Variants in PLCB4 observed in about 807,000 individuals in gnomAD.
PLCB4 encodes phospholipase C beta 4.
PLCB4 carries 77 observed loss-of-function variants against 178.8 expected under a neutral mutation model. The ratio of observed to expected loss-of-function variants is 0.43; its 90% CI spans 0.36 to 0.52. The LOEUF (loss-of-function observed/expected upper bound fraction) is 0.52. PLCB4 is among the 20% of genes least tolerant of loss of function. The probability of loss-of-function intolerance (pLI) is 0.00; values close to 1 mark genes in which losing one functional copy is unlikely to be tolerated. For missense variants in PLCB4, 1,024 were observed against 1,453.4 expected, an observed-to-expected ratio of 0.70 and a Z score of 4.80; for synonymous variants, 496 against 490.8, an observed-to-expected ratio of 1.01 and a Z score of -0.14.
chr20:9,078,290 T>G (rs183228585), intron 1 of PLCB4, among the ~76,000 whole-genome samples: 1 of 152,242 alleles, frequency 6.6e-6, no homozygotes, highest in East Asian at 1.9e-4. Context: ...CTGGCTATGT[T>G]TTTTTGAAAT....
At chr20:9,236,165 T>C (rs1009469092) in intron 3 of PLCB4, among the ~76,000 whole-genome samples, 3 of 152,166 alleles carry the variant, frequency 2.0e-5, no homozygotes, top group Non-Finnish European at 4.4e-5. Context: ...TCTTGATGTC[T>C]TGATGTTTGT....
At chr20:9,459,607 A>G in intron 34 of PLCB4, 28 bp from the exon 35 acceptor site, 2 of 1,567,148 alleles carry the variant, frequency 1.3e-6, no homozygotes, top group African/African-American at 1.3e-5. Context: ...GAGGATTACA[A>G]TGGCACCGTC....
chr20:9,207,760 T>G (rs1601151354), intron 2 of PLCB4, among the ~76,000 whole-genome samples: 3 of 152,374 alleles, frequency 2.0e-5, no homozygotes, highest in Admixed American at 2.0e-4. Context: ...TGCTGTGTTT[T>G]CATTGTTTCA....
chr20:9,477,400 G>C (rs879429037), intron 39 of PLCB4, among the ~76,000 whole-genome samples: 3 of 152,132 alleles, frequency 2.0e-5, no homozygotes, highest in Admixed American at 6.5e-5. Flanking sequence ...ACTCATATAA[G>C]AACTTAGCTG....
At chr20:9,430,666 C>T (rs993967366) in intron 28 of PLCB4, among the ~76,000 whole-genome samples, 3 of 152,180 alleles carry the variant, frequency 2.0e-5, no homozygotes, top group African/African-American at 7.2e-5. Context: ...TAGGTGACAT[C>T]TACATAATCC....
intron 4 of PLCB4, among the ~76,000 whole-genome samples, chr20:9,314,281 G>A (rs112443002): frequency 2.5e-4 from 38 of 152,286 alleles, no homozygotes; most frequent in African/African-American, 8.4e-4. Flanking sequence ...ATCAGTTCTG[G>A]ATGACCAGTG....
chr20:9,423,435 G>A (rs962013661), intron 27 of PLCB4, among the ~76,000 whole-genome samples: 1 of 152,166 alleles, frequency 6.6e-6, no homozygotes, highest in Non-Finnish European at 1.5e-5. Context: ...CAAGGAAAGT[G>A]GCTTTATTTC....
At chr20:9,241,250 TTCTC>T (rs758628717) in intron 3 of PLCB4, among the ~76,000 whole-genome samples, 1 of 152,156 alleles carries the variant, frequency 6.6e-6, no homozygotes, top group Non-Finnish European at 1.5e-5. Flanking sequence ...TTTCTCCCCT[TTCTC>T]TATTTATCTT....
At chr20:9,181,196 A>G (rs1404500555) in intron 2 of PLCB4, among the ~76,000 whole-genome samples, 4 of 152,144 alleles carry the variant, frequency 2.6e-5, no homozygotes, top group Non-Finnish European at 5.9e-5. Flanking sequence ...TCTATTCATG[A>G]TATTAGTCTT....
At chr20:9,401,317 T>TA (rs2039007013) in intron 19 of PLCB4, among the ~76,000 whole-genome samples, 173 bp from the exon 20 acceptor site, 1 of 152,160 alleles carries the variant, frequency 6.6e-6, no homozygotes, top group South Asian at 2.1e-4. Flanking sequence ...GTTGAATAGG[T>TA]AAGAGTTTAG....
intron 17 of PLCB4, among the ~76,000 whole-genome samples, chr20:9,393,308 G>C (rs748495349): frequency 3.3e-5 from 5 of 152,278 alleles, no homozygotes; most frequent in African/African-American, 1.2e-4. Flanking sequence ...ACCCCTCCCC[G>C]GCACATCCCA....
Position 9,408,697 on chromosome 20 carries a change from A to C in PLCB4, c.1854A>C (p.Thr618=). The C allele has an allele frequency of 1.3e-6, 2 of 1,572,698 alleles. No individual in the cohort carries two copies. The highest frequency in any genetic ancestry group is 2.2e-5 in the South Asian group (2 of 90,130). Residue 618 remains threonine, a synonymous_variant, in exon 23 of 40, where the codon ACA becomes ACC. Coordinates refer to ENST00000378473, the MANE Select transcript of PLCB4 (RefSeq NM_001377142.1). Reference sequence around the variant, plus strand: ...CAGTCGGTCTTGGCTACTTGAAGACACATGCAATTGAATTTGTCAAGTATC... The same window carrying C: ...CAGTCGGTCTTGGCTACTTGAAGACCCATGCAATTGAATTTGTCAAGTATC... ...NESVGLGYLK[T]HAIEFVNYNK... is the part of the protein sequence containing the mutation.
intron 2 of PLCB4, among the ~76,000 whole-genome samples, chr20:9,106,177 C>T (rs945752332): frequency 6.6e-6 from 1 of 151,810 alleles, no homozygotes; most frequent in African/African-American, 2.4e-5. Context: ...GGCCGTCAAA[C>T]ATATAAAAAG....
At chr20:9,277,826 G>A (rs2094462895) in intron 3 of PLCB4, among the ~76,000 whole-genome samples, 1 of 152,126 alleles carries the variant, frequency 6.6e-6, no homozygotes, top group African/African-American at 2.4e-5. Flanking sequence ...GGGGCACACA[G>A]ACCAGGCACT....
chr20:9,368,288 G>T (rs1414725498), intron 9 of PLCB4, among the ~76,000 whole-genome samples: 1 of 152,170 alleles, frequency 6.6e-6, no homozygotes, highest in Non-Finnish European at 1.5e-5. Context: ...CTCTTCTCTT[G>T]TCTTGCTGTT....
intron 1 of PLCB4, among the ~76,000 whole-genome samples, chr20:9,089,782 C>T (rs2090594636): frequency 6.6e-6 from 1 of 152,220 alleles, no homozygotes; most frequent in Non-Finnish European, 1.5e-5. Context: ...ATAAAGTTAG[C>T]TGGTGAATAA....
intron 4 of PLCB4, among the ~76,000 whole-genome samples, chr20:9,315,315 A>G (rs1301795232): frequency 1.3e-5 from 2 of 152,224 alleles, no homozygotes; most frequent in Non-Finnish European, 2.9e-5. Flanking sequence ...CAATTCGGAA[A>G]TATTTTAAAG....
intron 3 of PLCB4, among the ~76,000 whole-genome samples, chr20:9,299,525 G>C (rs1416889523): frequency 1.3e-5 from 2 of 151,828 alleles, no homozygotes; most frequent in African/African-American, 2.4e-5. Flanking sequence ...TAATTTTATA[G>C]CCTGTGGTTA....
At chr20:9,302,133 T>C (rs2094712335) in intron 3 of PLCB4, among the ~76,000 whole-genome samples, 1 of 151,980 alleles carries the variant, frequency 6.6e-6, no homozygotes, top group African/African-American at 2.4e-5. Context: ...GCTAGAGAAT[T>C]TGAGAAGAGG....
Sources: allele counts gnomAD v4.1 joint callset (sites outside exome capture counted in the v4.1 genomes callset), GRCh38; gene constraint gnomAD v4.1.1; transcripts MANE v1.5; gene names NCBI Gene and HGNC (gene_info 2026-07-23, HGNC 2026-07-21).